The following TOX3 variants were observed in gnomAD, a reference collection of about 807,000 sequenced individuals.
TOX3 encodes the protein TOX high mobility group box family member 3.
TOX3 carries 22 observed loss-of-function variants against 64.3 expected under a neutral mutation model. The observed-to-expected ratio is 0.34, with a 90% CI of 0.24 to 0.49. The LOEUF is 0.49. TOX3 is among the 20% of genes least tolerant of loss of function. The pLI is 0.99. For missense variants in TOX3, 661 were observed against 714.4 expected (o/e 0.93, Z 0.85); for synonymous variants, 291 against 273.6 (o/e 1.06, Z -0.63).
intron 1 of TOX3, among the ~76,000 whole-genome samples, chr16:52,470,411 A>G (rs1158312851): frequency 6.6e-6 from 1 of 152,224 alleles, no homozygotes; most frequent in Non-Finnish European, 1.5e-5. Flanking sequence ...AAATCCATTT[A>G]AAGCAAACAG....
In TOX3 at chr16:52,502,280, G is replaced by T. The variant is rs138170715; in HGVS notation, c.88-33706C>A. On this transcript the variant is annotated intron_variant, in intron 1 of 6. Coordinates refer to ENST00000219746, the MANE Select transcript of TOX3 (RefSeq NM_001080430.4). ...GAAAATCTAACATGGATGGAAAAAA[G>T]CCACACTTTTCCATGCTTCAAGTTT... Among the ~76,000 whole-genome samples the T allele has an allele frequency of 6.3e-3, 952 of 152,244 alleles. 9 individuals carry two copies. The highest frequency in any genetic ancestry group is 0.022 in the African/African-American group (898 of 41,546).
At chr16:52,448,211 A>G (rs1336448071) in intron 4 of TOX3, among the ~76,000 whole-genome samples, 2 of 152,234 alleles carry the variant, frequency 1.3e-5, no homozygotes, top group African/African-American at 4.8e-5. Flanking sequence ...AAAGAGACAT[A>G]ATCAATGATA....
At chr16:52,503,142 T>C (rs1962050038) in intron 1 of TOX3, among the ~76,000 whole-genome samples, 2 of 152,196 alleles carry the variant, frequency 1.3e-5, no homozygotes, top group Non-Finnish European at 2.9e-5. Flanking sequence ...TAAAAGATGA[T>C]GTTTTTTAGG....
At chr16:52,480,224 A>T (rs1231856117) in intron 1 of TOX3, among the ~76,000 whole-genome samples, 2 of 152,190 alleles carry the variant, frequency 1.3e-5, no homozygotes, top group Admixed American at 1.3e-4. Flanking sequence ...TTACTAAGCC[A>T]TTTATTTTTC....
intron 1 of TOX3, among the ~76,000 whole-genome samples, chr16:52,479,266 C>G (rs1234193232): frequency 6.6e-6 from 1 of 152,104 alleles, no homozygotes; most frequent in Non-Finnish European, 1.5e-5. Context: ...TCAAAGTGAG[C>G]CTTGCATACC....
rs191293608 is a variant in TOX3 at position 52,487,781 on chromosome 16, A to G, written c.88-19207T>C. 3.3e-5 allele frequency among the ~76,000 whole-genome samples: 5 copies of G among 152,342 alleles called. No homozygotes were observed. The East Asian group carries it at 9.6e-4, about 29-fold the overall frequency. On this transcript the variant is annotated intron_variant, in intron 1 of 6. Transcript: ENST00000219746. The stretch of plus-strand genomic sequence containing the variant: ...TTAAAGAAATTTCTGACAAAACTTG[A>G]AACCATTGTTCAACATAATTTGGTT...
At chr16:52,447,180 T>A (rs1248008922) in intron 4 of TOX3, among the ~76,000 whole-genome samples, 1 of 152,202 alleles carries the variant, frequency 6.6e-6, no homozygotes, top group Non-Finnish European at 1.5e-5. Flanking sequence ...GGGAAATGAT[T>A]TGTAAACCTT....
chr16:52,450,660 G>T, intron 3 of TOX3, 114 bp from the exon 4 acceptor site: 2 of 1,320,072 alleles, frequency 1.5e-6, no homozygotes, highest in Non-Finnish European at 2.1e-6. Flanking sequence ...TGATAGGTCT[G>T]ACCTATTGCA....
chr16:52,546,881 G>A lies in TOX3; in HGVS notation c.-158C>T, dbSNP rs1963209021. On this transcript the variant is annotated 5_prime_UTR_variant, in exon 1 of 7. Transcript: ENST00000219746. ...CGGGACCCAGAGCCCGAGGAGCTCG[G>A]GAGCCGCGGCCGCCGCACACAAAGG... 3 of 1,173,300 alleles carry A rather than the reference G, an allele frequency of 2.6e-6. No homozygotes were observed. Among genetic ancestry groups the A allele is most frequent in the Admixed American group, 4.6e-5 (1 of 21,534 alleles). The allele number at this position is 1,173,300 out of a possible 1,614,324, so 72.7% of individuals were successfully genotyped here.
chr16:52,447,282 C>T (rs1960190551), intron 4 of TOX3, among the ~76,000 whole-genome samples: 1 of 152,136 alleles, frequency 6.6e-6, no homozygotes, highest in South Asian at 2.1e-4. Context: ...GTTTTCAAAG[C>T]CAGCCTTGGG....
intron 1 of TOX3, among the ~76,000 whole-genome samples, chr16:52,542,351 A>G (rs1265021308): frequency 6.6e-6 from 1 of 152,266 alleles, no homozygotes; most frequent in African/African-American, 2.4e-5. Flanking sequence ...CCTCATCTAC[A>G]TATGAATTTA....
In TOX3 at chr16:52,546,789, G is replaced by C. The variant is rs1397652607; in HGVS notation, c.-66C>G. 4.9e-6 allele frequency: 7 copies of C among 1,414,744 alleles called. No homozygotes were observed. Among genetic ancestry groups the C allele is most frequent in the Non-Finnish European group, 6.5e-6 (7 of 1,084,636 alleles). 87.6% of individuals were successfully genotyped at this position (1,414,744 alleles called of 1,614,324 possible). A position where few individuals can be genotyped will look rare whatever the true frequency, so the allele number is the denominator to read the frequency against. ...CGCCGGGGCCGGGACCCGCCTCCTC[G>C]CCGCCGCTAGATCCACCGTCGAGGG... On this transcript the variant is annotated 5_prime_UTR_variant, in exon 1 of 7. Transcript: ENST00000219746.
intron 3 of TOX3, among the ~76,000 whole-genome samples, chr16:52,456,339 G>A (rs1960516428): frequency 2.0e-5 from 3 of 152,178 alleles, no homozygotes; most frequent in Admixed American, 1.3e-4. Context: ...GTGTTTCGAA[G>A]AATACCCAAA....
Position 52,439,333 on chromosome 16 carries a change from T to C in TOX3, c.1623A>G (p.Thr541=), listed in dbSNP as rs1959859757. ...GGCTCCCGATGGCAGGGATGGGGGA[T>C]GTTATCTGAGAGGCGACAGGGGAGT... ...RQHSPVASQI[T]SPIPAIGSPQ... is the part of the protein sequence containing the mutation. Residue 541 remains threonine (T), a synonymous_variant, in exon 7 of 7, where the codon ACA becomes ACG. Transcript: ENST00000219746. 6.2e-7 allele frequency: 1 copy of C among 1,613,226 alleles called. No homozygotes were observed. Among genetic ancestry groups the C allele is most frequent in the African/African-American group, 1.3e-5 (1 of 74,958 alleles).
intron 1 of TOX3, among the ~76,000 whole-genome samples, chr16:52,476,355 G>A (rs1266871427): frequency 6.6e-6 from 1 of 152,126 alleles, no homozygotes; most frequent in Non-Finnish European, 1.5e-5. Context: ...TAACCATCTG[G>A]ACTAGTTAAA....
Position 52,439,859 on chromosome 16 carries a change from C to G in TOX3, c.1097G>C (p.Gly366Ala), listed in dbSNP as rs561674364. 2 of 1,613,726 alleles carry G rather than the reference C, an allele frequency of 1.2e-6. No individual in the cohort carries two copies. Among genetic ancestry groups the G allele is most frequent in the South Asian group, 2.2e-5 (2 of 91,054 alleles). Reference protein sequence around the residue: ...LLLNTPLSQHGTVSASPQTLQ... With the variant: ...LLLNTPLSQHATVSASPQTLQ... ...AGTCTGAGGTGATGCTGACACTGTT[C>G]CATGTTGAGACAGTGGAGTGTTGAG... Residue 366 changes from glycine (G) to alanine (A), a missense_variant, in exon 7 of 7, where the codon GGA becomes GCA. Gly to Ala is a moderately conservative substitution (Grantham distance 60). This residue lies in a region of TOX3 where 299 missense variants were observed against 292.1 expected (regional missense o/e 1.02). Transcript: ENST00000219746.
chr16:52,534,706 A>C (rs932792578), intron 1 of TOX3, among the ~76,000 whole-genome samples: 4 of 152,150 alleles, frequency 2.6e-5, no homozygotes, highest in African/African-American at 9.7e-5. Context: ...TTCTCAGTGG[A>C]TATAGGGATA....
At chr16:52,539,891 T>C (rs1310618562) in intron 1 of TOX3, among the ~76,000 whole-genome samples, 2 of 152,166 alleles carry the variant, frequency 1.3e-5, no homozygotes, top group Non-Finnish European at 2.9e-5. Flanking sequence ...CGGGAGGTTC[T>C]GTTTAGTGCT....
At chr16:52,485,093 G>A (rs12447113) in intron 1 of TOX3, among the ~76,000 whole-genome samples, 1 of 149,046 alleles carries the variant, frequency 6.7e-6, no homozygotes, top group Non-Finnish European at 1.5e-5. Flanking sequence ...GTATGTGTGT[G>A]TATATATATA....
Sources: gnomAD v4.1 joint callset for allele counts (sites outside exome capture counted in the v4.1 genomes callset) on GRCh38, gnomAD v4.1.1 for gene constraint, gnomAD v4.1.1 regional missense constraint, MANE v1.5 for transcripts, NCBI Gene and HGNC (gene_info 2026-07-23, HGNC 2026-07-21) for gene names.